MRTFA: variants seen among roughly 807,000 people sequenced by gnomAD.
MRTFA encodes myocardin related transcription factor A.
MRTFA carries 20 observed loss-of-function variants against 83.5 expected under a neutral mutation model. The ratio of observed to expected loss-of-function variants is 0.24; its 90% CI spans 0.17 to 0.35. MRTFA has a LOEUF of 0.35. Ranked by LOEUF, MRTFA falls within the 10% of genes least tolerant of loss-of-function variation. The pLI is 1.00. For synonymous variants in MRTFA, 659 were observed against 541.2 expected, an observed-to-expected ratio of 1.22 and a Z score of -3.02; for missense variants, 1,200 against 1,224.7, an observed-to-expected ratio of 0.98 and a Z score of 0.30.
intron 3 of MRTFA, among the ~76,000 whole-genome samples, chr22:40,539,936 G>T (rs1457447640): frequency 7.0e-6 from 1 of 143,096 alleles, no homozygotes; most frequent in Non-Finnish European, 1.5e-5. Flanking sequence ...CCCAGACAGG[G>T]TCTCACTCTG....
chr22:40,509,700 T>C (rs1384946384), intron 3 of MRTFA, among the ~76,000 whole-genome samples: 1 of 152,188 alleles, frequency 6.6e-6, no homozygotes, highest in African/African-American at 2.4e-5. Context: ...CTTCAAATAC[T>C]TTCAGTAATC....
rs978647396 is a variant in MRTFA at position 40,586,694 on chromosome 22, A to G, written c.-22+7980T>C. 25 of 252,624 alleles carry G rather than the reference A, an allele frequency of 9.9e-5. No individual in the cohort carries two copies. In the Admixed American group the frequency reaches 1.1e-3, roughly 11 times the overall value. 15.6% of individuals were successfully genotyped at this position (252,624 alleles called of 1,614,324 possible). A position where few individuals can be genotyped will look rare whatever the true frequency, so the allele number is the denominator to read the frequency against. ...TATTTGACCTTTATGGAATAAACCA[A>G]CAAGCTCATGCAGCAGGCTTCGTTT... On this transcript the variant is annotated intron_variant, in intron 2 of 14. Coordinates refer to ENST00000355630, the MANE Select transcript of MRTFA (RefSeq NM_020831.6).
At chr22:40,513,089 T>C (rs2054694758) in intron 3 of MRTFA, among the ~76,000 whole-genome samples, 1 of 152,218 alleles carries the variant, frequency 6.6e-6, no homozygotes, top group South Asian at 2.1e-4. Context: ...TTCATCCCAC[T>C]ACCACCACAC....
chr22:40,492,092 G>C (rs932868969), intron 3 of MRTFA, among the ~76,000 whole-genome samples: 1 of 152,176 alleles, frequency 6.6e-6, no homozygotes, highest in Non-Finnish European at 1.5e-5. Flanking sequence ...CAGGTGGACT[G>C]ATGAATCTTG....
chr22:40,446,869 C>A (rs1352314179), intron 4 of MRTFA, among the ~76,000 whole-genome samples: 1 of 152,174 alleles, frequency 6.6e-6, no homozygotes, highest in East Asian at 1.9e-4. Flanking sequence ...CTACATGTGT[C>A]GGACCCTGTT....
chr22:40,417,176 C>A (rs562474009), intron 13 of MRTFA, 130 bp from the exon 14 acceptor site: 4 of 1,362,614 alleles, frequency 2.9e-6, no homozygotes, highest in South Asian at 2.7e-5. Context: ...TGGGCGTGCC[C>A]GGACTCCTGG....
intron 1 of MRTFA, among the ~76,000 whole-genome samples, chr22:40,611,168 A>T (rs1482243209): frequency 6.6e-6 from 1 of 151,644 alleles, no homozygotes; most frequent in African/African-American, 2.4e-5. Context: ...CGAACTCCTG[A>T]CCTAAAGTGA....
At chr22:40,552,022 T>C in intron 3 of MRTFA, 84 bp downstream of exon 3, 1 of 395,562 alleles carries the variant, frequency 2.5e-6, no homozygotes, top group Non-Finnish European at 4.5e-6. Context: ...TCACGGAACA[T>C]CAAATAAAGT....
At chr22:40,503,775 A>G (rs943370064) in intron 3 of MRTFA, among the ~76,000 whole-genome samples, 1 of 152,206 alleles carries the variant, frequency 6.6e-6, no homozygotes, top group African/African-American at 2.4e-5. Flanking sequence ...AAAAATACTT[A>G]GCCAGGCATG....
intron 6 of MRTFA, among the ~76,000 whole-genome samples, chr22:40,430,858 C>T (rs2053053800): frequency 2.3e-5 from 1 of 43,408 alleles, no homozygotes; most frequent in Non-Finnish European, 4.1e-5. Flanking sequence ...AAGACTCCAT[C>T]ACAAAAAAAA....
chr22:40,510,744 A>G (rs1413301014), intron 3 of MRTFA, among the ~76,000 whole-genome samples: 1 of 152,190 alleles, frequency 6.6e-6, no homozygotes, highest in African/African-American at 2.4e-5. Context: ...TGCAGTAAAC[A>G]TAAGGAGAGC....
At chr22:40,602,310 G>A (rs978277046) in intron 1 of MRTFA, among the ~76,000 whole-genome samples, 16 of 152,336 alleles carry the variant, frequency 1.1e-4, no homozygotes, top group Middle Eastern at 6.8e-3. Flanking sequence ...CAAGTCATGT[G>A]TGCTAAGTAC....
At chr22:40,594,377 A>AG in intron 2 of MRTFA, among the ~76,000 whole-genome samples, 1 of 152,216 alleles carries the variant, frequency 6.6e-6, no homozygotes, top group Non-Finnish European at 1.5e-5. Flanking sequence ...TTAAAGAGGT[A>AG]GGGGTATGTG....
At chr22:40,532,516 A>C (rs565784110) in intron 3 of MRTFA, among the ~76,000 whole-genome samples, 2 of 152,362 alleles carry the variant, frequency 1.3e-5, no homozygotes, top group Admixed American at 1.3e-4. Context: ...GGCAACCTGA[A>C]ACACATAGCC....
intron 2 of MRTFA, among the ~76,000 whole-genome samples, chr22:40,578,705 T>C (rs1043993447): frequency 2.0e-5 from 3 of 152,084 alleles, no homozygotes; most frequent in Non-Finnish European, 4.4e-5. Context: ...ACGGATTGCT[T>C]GGGCCTAGGA....
intron 3 of MRTFA, among the ~76,000 whole-genome samples, chr22:40,520,054 A>G (rs147655257): frequency 6.6e-6 from 1 of 152,322 alleles, no homozygotes; most frequent in East Asian, 1.9e-4. Context: ...ATAAAGAGAT[A>G]TATTTTCATC....
chr22:40,579,501 AT>A (rs1436914246), intron 2 of MRTFA, among the ~76,000 whole-genome samples: 1 of 152,202 alleles, frequency 6.6e-6, no homozygotes, highest in Admixed American at 6.5e-5. Flanking sequence ...CAAAGTATGT[AT>A]AAAGAACATC....
intron 3 of MRTFA, among the ~76,000 whole-genome samples, chr22:40,483,787 C>CGGA (rs2054131392): frequency 6.6e-6 from 1 of 152,052 alleles, no homozygotes; most frequent in Non-Finnish European, 1.5e-5. Context: ...CTTGACCTCC[C>CGGA]GGACTCAATC....
intron 3 of MRTFA, among the ~76,000 whole-genome samples, chr22:40,472,208 G>C (rs1038324769): frequency 1.3e-5 from 2 of 152,174 alleles, no homozygotes; most frequent in South Asian, 2.1e-4. Context: ...ATGGGGCCTA[G>C]ACCTCATCTC....
Sources: allele counts gnomAD v4.1 joint callset (sites outside exome capture counted in the v4.1 genomes callset), GRCh38; gene constraint gnomAD v4.1.1; transcripts MANE v1.5; gene names NCBI Gene and HGNC (gene_info 2026-07-23, HGNC 2026-07-21).